Variants in TAS2R1 observed in about 807,000 individuals in gnomAD.
The protein encoded by TAS2R1 is taste 2 receptor member 1.
For synonymous variants in TAS2R1, 141 were observed against 134.2 expected (o/e 1.05, Z -0.35); for missense variants, 370 against 353.4 (o/e 1.05, Z -0.38).
At chr5:9,834,656 G>A in the TAS2R1 span, among the ~76,000 whole-genome samples, 2 of 151,932 alleles carry the variant, frequency 1.3e-5, no homozygotes, top group African/African-American at 4.8e-5. Context: ...ACAGGCAATA[G>A]CTCCCTCCCC....
the TAS2R1 span, among the ~76,000 whole-genome samples, chr5:9,818,944 C>A: frequency 6.6e-6 from 1 of 152,282 alleles, no homozygotes; most frequent in African/African-American, 2.4e-5. Flanking sequence ...GTTAATCTTC[C>A]CAGTGGGACA....
chr5:9,658,623 T>C (rs1740463875), intron 2 of TAS2R1: 1 of 152,162 alleles, frequency 6.6e-6, no homozygotes, highest in African/African-American at 2.4e-5. Flanking sequence ...TGGAATTAAA[T>C]CTAGTAAATA....
At chr5:9,686,105 T>C (rs2126513900) in intron 1 of TAS2R1, among the ~76,000 whole-genome samples, 1 of 152,334 alleles carries the variant, frequency 6.6e-6, no homozygotes, top group East Asian at 1.9e-4. Flanking sequence ...CCTCAGGAGA[T>C]CTGCCTGCCT....
At chr5:9,852,140 T>G in the TAS2R1 span, among the ~76,000 whole-genome samples, 1,146 of 152,284 alleles carry the variant, frequency 7.5e-3, 6 homozygotes, top group Middle Eastern at 0.014. Flanking sequence ...CAAAGGAGAA[T>G]TACTTTATTT....
the TAS2R1 span, among the ~76,000 whole-genome samples, chr5:9,887,072 A>G: frequency 6.6e-6 from 1 of 152,206 alleles, no homozygotes; most frequent in Non-Finnish European, 1.5e-5. Flanking sequence ...AGTCACTTAC[A>G]TGGAGACTAC....
At chr5:9,693,842 A>G (rs1741303987) in intron 1 of TAS2R1, among the ~76,000 whole-genome samples, 2 of 152,180 alleles carry the variant, frequency 1.3e-5, no homozygotes, top group African/African-American at 4.8e-5. Flanking sequence ...GTTTTTATAC[A>G]GTGTTGGTTG....
the TAS2R1 span, among the ~76,000 whole-genome samples, chr5:9,812,230 G>C: frequency 1.3e-5 from 2 of 151,944 alleles, no homozygotes; most frequent in Non-Finnish European, 2.9e-5. Flanking sequence ...GTCTGGTTCG[G>C]AGAAAAAGAG....
At chr5:9,837,185 A>G in the TAS2R1 span, among the ~76,000 whole-genome samples, 1 of 152,120 alleles carries the variant, frequency 6.6e-6, no homozygotes, top group Admixed American at 6.6e-5. Context: ...CATACACACA[A>G]ATACACACAC....
the TAS2R1 span, among the ~76,000 whole-genome samples, chr5:9,759,982 G>A: frequency 4.1e-4 from 63 of 152,150 alleles, no homozygotes; most frequent in Middle Eastern, 3.4e-3. Flanking sequence ...CAAAATGAGA[G>A]ACAAGACACA....
intron 1 of TAS2R1, among the ~76,000 whole-genome samples, chr5:9,668,272 C>T (rs1223556175): frequency 6.6e-6 from 1 of 152,064 alleles, no homozygotes; most frequent in Non-Finnish European, 1.5e-5. Context: ...TATGTAGAGA[C>T]CAAACCTAAT....
chr5:9,784,904 C>G, the TAS2R1 span, among the ~76,000 whole-genome samples: 2 of 152,160 alleles, frequency 1.3e-5, no homozygotes. Flanking sequence ...ATTACATGTG[C>G]AGGAAGACTG....
chr5:9,878,276 C>T, the TAS2R1 span, among the ~76,000 whole-genome samples: 2 of 152,178 alleles, frequency 1.3e-5, no homozygotes, highest in Admixed American at 6.5e-5. Context: ...TATTTCTCTG[C>T]CTTAGTGGAG....
the TAS2R1 span, among the ~76,000 whole-genome samples, chr5:9,758,615 T>G: frequency 6.6e-6 from 1 of 152,184 alleles, no homozygotes; most frequent in African/African-American, 2.4e-5. Context: ...CAATCCTTGC[T>G]GCCTCCAAGG....
intron 1 of TAS2R1, among the ~76,000 whole-genome samples, chr5:9,664,879 C>T (rs1305907728): frequency 6.6e-6 from 1 of 152,186 alleles, no homozygotes; most frequent in Admixed American, 6.5e-5. Context: ...AACACACCTA[C>T]CATTAGATAC....
At chr5:9,876,827 G>T in the TAS2R1 span, among the ~76,000 whole-genome samples, 2 of 152,152 alleles carry the variant, frequency 1.3e-5, no homozygotes, top group Admixed American at 6.5e-5. Flanking sequence ...AGGCCAAAAA[G>T]GTTGTCTAGT....
the TAS2R1 span, among the ~76,000 whole-genome samples, chr5:9,801,364 A>G: frequency 3.3e-5 from 5 of 152,244 alleles, no homozygotes; most frequent in Non-Finnish European, 7.3e-5. Flanking sequence ...ATATTTTGTT[A>G]TAGAAGCCCA....
chr5:9,791,501 C>A, the TAS2R1 span, among the ~76,000 whole-genome samples: 37 of 152,174 alleles, frequency 2.4e-4, no homozygotes, highest in African/African-American at 8.7e-4. Context: ...GAGTTCGAGA[C>A]CAACCTGGGC....
At chr5:9,776,587 G>T in the TAS2R1 span, among the ~76,000 whole-genome samples, 1 of 152,094 alleles carries the variant, frequency 6.6e-6, no homozygotes, top group Non-Finnish European at 1.5e-5. Flanking sequence ...ATTCAAGTGG[G>T]CCTTTAGTGA....
the TAS2R1 span, among the ~76,000 whole-genome samples, chr5:9,766,512 T>A: frequency 6.6e-6 from 1 of 152,182 alleles, no homozygotes; most frequent in Admixed American, 6.5e-5. Flanking sequence ...CCTGGGGCAG[T>A]TCTGAGTACC....
Sources: gnomAD v4.1 joint callset for allele counts (sites outside exome capture counted in the v4.1 genomes callset) on GRCh38, gnomAD v4.1.1 for gene constraint, MANE v1.5 for transcripts, NCBI Gene and HGNC (gene_info 2026-07-23, HGNC 2026-07-21) for gene names.